The following RBFOX1 variants were observed in gnomAD, a reference collection of about 807,000 sequenced individuals.
The protein encoded by RBFOX1 is RNA binding protein fox-1 homolog 1.
Under a neutral mutation model 57.7 loss-of-function variants are expected in RBFOX1, and 8 were observed. The observed-to-expected ratio is 0.14, with a 90% CI of 0.08 to 0.25. RBFOX1 has a LOEUF of 0.25. Among genes scored for constraint, RBFOX1 ranks in the 10% least tolerant of loss-of-function variants. The pLI, the probability that RBFOX1 is intolerant of heterozygous loss-of-function variation, is 1.00. For missense variants in RBFOX1, 611 were observed against 548.5 expected (o/e 1.11, Z -1.14); for synonymous variants, 326 against 222.4 (o/e 1.47, Z -4.15).
chr16:6,796,144 C>G (rs558106202), intron 3 of RBFOX1, among the ~76,000 whole-genome samples: 1 of 151,946 alleles, frequency 6.6e-6, no homozygotes, highest in Admixed American at 6.6e-5. Flanking sequence ...AGGTATGTCT[C>G]ACATGGTGGC....
chr16:7,470,940 T>C (rs1265479845), intron 4 of RBFOX1, among the ~76,000 whole-genome samples: 1 of 152,054 alleles, frequency 6.6e-6, no homozygotes, highest in Non-Finnish European at 1.5e-5. Context: ...ATATTTTTAT[T>C]TAGTGTTTCA....
intron 1 of RBFOX1, among the ~76,000 whole-genome samples, chr16:5,466,533 T>A (rs582196): frequency 0.12 from 17,939 of 152,200 alleles, 2,011 homozygotes; most frequent in African/African-American, 0.3. Context: ...CTAGGGTTTC[T>A]GTGTGTGCCC....
intron 4 of RBFOX1, among the ~76,000 whole-genome samples, chr16:7,403,887 A>G (rs1311035657): frequency 6.6e-6 from 1 of 150,778 alleles, no homozygotes; most frequent in Non-Finnish European, 1.5e-5. Flanking sequence ...TAGTACGTAC[A>G]TAAATTTTAA....
chr16:5,477,648 C>G (rs1188227491), intron 2 of RBFOX1, among the ~76,000 whole-genome samples: 1 of 152,160 alleles, frequency 6.6e-6, no homozygotes, highest in African/African-American at 2.4e-5. Context: ...ACTGCTTACC[C>G]TCATTGCAAA....
intron 1 of RBFOX1, among the ~76,000 whole-genome samples, chr16:5,364,892 G>C (rs1002937562): frequency 1.3e-5 from 2 of 152,120 alleles, no homozygotes; most frequent in Non-Finnish European, 2.9e-5. Flanking sequence ...CACCTGCTTG[G>C]GCTCCCTCCA....
At chr16:5,436,966 T>A (rs1190515557) in intron 1 of RBFOX1, among the ~76,000 whole-genome samples, 1 of 152,224 alleles carries the variant, frequency 6.6e-6, no homozygotes, top group Non-Finnish European at 1.5e-5. Context: ...TGTCTTTGAT[T>A]TGTACCTGCC....
rs543930353 is a variant in RBFOX1 at position 7,028,717 on chromosome 16, G to T, written c.-15-23340G>T. ...AAATGTGAACCAACTGTGAATTATT[G>T]CAGGACTTGATATGCACAGGAAATG... is the stretch of plus-strand genomic sequence containing the variant. On this transcript the variant is annotated intron_variant, in intron 3 of 15. Coordinates refer to ENST00000550418, the MANE Select transcript of RBFOX1 (RefSeq NM_018723.4). Among the ~76,000 whole-genome samples, 4 of 150,924 alleles carry T rather than the reference G, an allele frequency of 2.7e-5. No homozygotes were observed. In the South Asian group the frequency reaches 8.4e-4, roughly 32 times the overall value.
chr16:7,003,762 C>T (rs896161149), intron 3 of RBFOX1, among the ~76,000 whole-genome samples: 2 of 152,014 alleles, frequency 1.3e-5, no homozygotes, highest in Non-Finnish European at 2.9e-5. Context: ...ATATGCACAT[C>T]AAGTCTAATT....
At chr16:6,110,562 C>A (rs967061788) in intron 1 of RBFOX1, among the ~76,000 whole-genome samples, 1 of 152,068 alleles carries the variant, frequency 6.6e-6, no homozygotes, top group Non-Finnish European at 1.5e-5. Context: ...AAAAACAAAA[C>A]CCTCCAATTA....
chr16:5,269,213 G>T (rs1360171148), intron 1 of RBFOX1, among the ~76,000 whole-genome samples: 1 of 152,174 alleles, frequency 6.6e-6, no homozygotes, highest in Non-Finnish European at 1.5e-5. Flanking sequence ...CACCGCACCA[G>T]GCCAATTTTC....
intron 3 of RBFOX1, among the ~76,000 whole-genome samples, chr16:5,671,461 GT>G (rs1412794287): frequency 7.9e-5 from 12 of 152,298 alleles, no homozygotes; most frequent in Admixed American, 7.2e-4. Context: ...TTTAATGTCT[GT>G]TTTTAGTGTA....
intron 4 of RBFOX1, among the ~76,000 whole-genome samples, chr16:5,961,482 AAAAAC>A (rs201980383): frequency 1.7e-4 from 24 of 139,450 alleles, no homozygotes; most frequent in African/African-American, 4.0e-4. Flanking sequence ...TTTGTTTAAA[AAAAAC>A]AAAACAAAAC....
intron 3 of RBFOX1, among the ~76,000 whole-genome samples, chr16:5,649,415 C>T (rs2049158882): frequency 6.6e-6 from 1 of 152,132 alleles, no homozygotes; most frequent in Non-Finnish European, 1.5e-5. Flanking sequence ...GGTGATCCAC[C>T]TGCCTCGGTC....
chr16:5,353,036 G>A (rs1352088181), intron 1 of RBFOX1, among the ~76,000 whole-genome samples: 1 of 152,166 alleles, frequency 6.6e-6, no homozygotes, highest in Non-Finnish European at 1.5e-5. Context: ...GAAATCCAGT[G>A]TTGAGAGATG....
At chr16:6,438,996 C>A (rs1228408538) in intron 2 of RBFOX1, among the ~76,000 whole-genome samples, 11 of 152,036 alleles carry the variant, frequency 7.2e-5, no homozygotes, top group Admixed American at 7.2e-4. Context: ...AGTTCTGCAC[C>A]CTTAGAATAG....
intron 3 of RBFOX1, among the ~76,000 whole-genome samples, chr16:5,787,560 C>T (rs964196435): frequency 6.6e-6 from 1 of 152,038 alleles, no homozygotes; most frequent in African/African-American, 2.4e-5. Flanking sequence ...GATGGGATAC[C>T]CCACAGACAA....
intron 2 of RBFOX1, among the ~76,000 whole-genome samples, chr16:6,487,991 G>A (rs952953426): frequency 2.6e-5 from 4 of 151,962 alleles, no homozygotes; most frequent in Admixed American, 2.0e-4. Flanking sequence ...CACAAAGAGT[G>A]TACACAGACA....
intron 2 of RBFOX1, among the ~76,000 whole-genome samples, chr16:6,584,346 T>G (rs963720886): frequency 1.8e-5 from 2 of 113,404 alleles, no homozygotes; most frequent in African/African-American, 8.7e-5. Flanking sequence ...TTTTCATTAT[T>G]ATTATTATTA....
In RBFOX1 at chr16:6,406,960, T is replaced by C. The variant is rs1277783833; in HGVS notation, c.-64+89903T>C. Reference sequence around the variant, plus strand: ...GCTGCCCATCGGTAAAATGGGATTATGATCCTTGCCTAACTTCCTGTTTAT... The same window carrying C: ...GCTGCCCATCGGTAAAATGGGATTACGATCCTTGCCTAACTTCCTGTTTAT... On this transcript the variant is annotated intron_variant, in intron 2 of 15. Transcript: ENST00000550418. 2.6e-5 allele frequency among the ~76,000 whole-genome samples: 4 copies of C among 152,340 alleles called. No individual in the cohort carries two copies. The South Asian group carries it at 8.3e-4, about 32-fold the overall frequency.
Sources: allele counts gnomAD v4.1 joint callset (sites outside exome capture counted in the v4.1 genomes callset), GRCh38; gene constraint gnomAD v4.1.1; transcripts MANE v1.5; gene names NCBI Gene and HGNC (gene_info 2026-07-23, HGNC 2026-07-21).